ACSM6: variants seen among roughly 807,000 people sequenced by gnomAD.
ACSM6 encodes the protein acyl-CoA synthetase medium chain family member 6.
ACSM6 carries 35 observed loss-of-function variants against 51.1 expected under a neutral mutation model. The ratio of observed to expected loss-of-function variants is 0.69; its 90% confidence interval spans 0.52 to 0.91. The LOEUF (loss-of-function observed/expected upper bound fraction) is 0.91. Ranked by LOEUF, ACSM6 falls within the 40% of genes least tolerant of loss-of-function variation. ACSM6 has a pLI of 0.00. For synonymous variants in ACSM6, 172 were observed against 207.3 expected (o/e 0.83, Z 1.46); for missense variants, 509 against 584.1 (o/e 0.87, Z 1.32).
intron 8 of ACSM6, among the ~76,000 whole-genome samples, chr10:95,215,615 A>G (rs940337985): frequency 1.3e-5 from 2 of 152,238 alleles, no homozygotes; most frequent in Non-Finnish European, 1.5e-5. Context: ...AAGGGAATTC[A>G]AGAAAAGGCA....
At chr10:95,203,762 G>A (rs1423569280) in intron 3 of ACSM6, among the ~76,000 whole-genome samples, 8 of 150,488 alleles carry the variant, frequency 5.3e-5, no homozygotes, top group African/African-American at 2.0e-4. Context: ...TGGAAGGTGC[G>A]TATGAAAAAC....
At chr10:95,228,649 C>G in exon 11 of ACSM6, 1 of 1,550,972 alleles carries the variant, frequency 6.4e-7, no homozygotes, top group East Asian at 2.4e-5. Context: ...ATCAGGTGAG[C>G]TGGGAGGAAT....
intron 2 of ACSM6, among the ~76,000 whole-genome samples, chr10:95,198,087 G>A (rs1311110578): frequency 6.6e-6 from 1 of 152,182 alleles, no homozygotes; most frequent in African/African-American, 2.4e-5. Flanking sequence ...AAAGTGGCTG[G>A]GGCAAAGCTA....
At chr10:95,210,762 G>A in exon 5 of ACSM6, 1 of 1,613,938 alleles carries the variant, frequency 6.2e-7, no homozygotes, top group Non-Finnish European at 8.5e-7. Flanking sequence ...TTCCCAGTAT[G>A]GTTTGGGAAT....
intron 8 of ACSM6, among the ~76,000 whole-genome samples, chr10:95,217,710 C>A (rs2034960765): frequency 6.6e-6 from 1 of 152,170 alleles, no homozygotes; most frequent in Admixed American, 6.5e-5. Context: ...TGGGAGAAGA[C>A]AAAACAGCCA....
chr10:95,219,159 A>T (rs2034970702), intron 8 of ACSM6, among the ~76,000 whole-genome samples: 1 of 152,172 alleles, frequency 6.6e-6, no homozygotes, highest in African/African-American at 2.4e-5. Context: ...GGTGCCCTGC[A>T]TGTATGCTGA....
At chr10:95,210,093 T>A (rs1397276614) in intron 4 of ACSM6, among the ~76,000 whole-genome samples, 1 of 152,232 alleles carries the variant, frequency 6.6e-6, no homozygotes, top group Non-Finnish European at 1.5e-5. Flanking sequence ...TATCATGGAT[T>A]TTTGCATTAG....
At chr10:95,203,330 A>G (rs1474270596) in intron 3 of ACSM6, among the ~76,000 whole-genome samples, 1 of 152,188 alleles carries the variant, frequency 6.6e-6, no homozygotes. Context: ...GAGTTGTATA[A>G]TTATTTCAAT....
intron 2 of ACSM6, among the ~76,000 whole-genome samples, chr10:95,197,531 T>G (rs1056973331): frequency 5.9e-5 from 9 of 152,018 alleles, no homozygotes; most frequent in African/African-American, 1.9e-4. Context: ...AAGCCAGATT[T>G]ATGTTTCTCT....
intron 4 of ACSM6, among the ~76,000 whole-genome samples, chr10:95,209,100 A>C (rs893654872): frequency 2.6e-5 from 4 of 152,242 alleles, no homozygotes; most frequent in Middle Eastern, 6.8e-3. Context: ...AAATTAAATA[A>C]ATTGGTCTGA....
intron 4 of ACSM6, among the ~76,000 whole-genome samples, chr10:95,207,623 C>T (rs1018845703): frequency 6.6e-5 from 10 of 152,086 alleles, no homozygotes; most frequent in Non-Finnish European, 1.2e-4. Context: ...AGCAGAGTAA[C>T]CCCCAACACA....
chr10:95,223,997 C>G (rs1466435031), intron 9 of ACSM6, among the ~76,000 whole-genome samples: 1 of 152,086 alleles, frequency 6.6e-6, no homozygotes, highest in Non-Finnish European at 1.5e-5. Flanking sequence ...AGTATTTCTA[C>G]ATAGTATCAA....
At chr10:95,194,512 C>T in exon 2 of ACSM6, 1 of 1,551,710 alleles carries the variant, frequency 6.4e-7, no homozygotes, top group East Asian at 2.4e-5. Flanking sequence ...AACCCTTCTC[C>T]TTGGTCCGGA....
intron 9 of ACSM6, among the ~76,000 whole-genome samples, chr10:95,220,509 A>G (rs1341581911): frequency 6.6e-6 from 1 of 152,212 alleles, no homozygotes; most frequent in Admixed American, 6.5e-5. Context: ...GCAGACTCAA[A>G]TTAGCAGCAC....
intron 3 of ACSM6, 146 bp downstream of exon 3, chr10:95,202,341 T>C (rs1333886240): frequency 2.7e-6 from 2 of 734,118 alleles, no homozygotes; most frequent in Non-Finnish European, 4.6e-6. Flanking sequence ...AGGCCTAGAT[T>C]TGAACCCAGC....
chr10:95,213,017 T>C, intron 7 of ACSM6, 77 bp downstream of exon 7: 1 of 1,254,698 alleles, frequency 8.0e-7, no homozygotes, highest in Non-Finnish European at 1.2e-6. Flanking sequence ...CTTAATTTGT[T>C]GAAGTAGATC....
At chr10:95,207,398 T>C (rs2034850621) in exon 4 of ACSM6, 1 of 1,614,140 alleles carries the variant, frequency 6.2e-7, no homozygotes, top group Non-Finnish European at 8.5e-7. Flanking sequence ...GGTGGTTGGA[T>C]TTCAAGAAGT....
chr10:95,212,793 GCCA>G, intron 6 of ACSM6, 62 bp from the exon 7 acceptor site: 2 of 1,309,376 alleles, frequency 1.5e-6, no homozygotes, highest in Non-Finnish European at 2.2e-6. Flanking sequence ...CTGGACCCCT[GCCA>G]CAGTCTCACT....
chr10:95,202,314 GT>G (rs924842273), intron 3 of ACSM6, 119 bp downstream of exon 3: 2 of 925,264 alleles, frequency 2.2e-6, no homozygotes, highest in Admixed American at 4.3e-5. Context: ...TTCCCACAGT[GT>G]GGGGGATCTT....
Sources: allele counts gnomAD v4.1 joint callset (sites outside exome capture counted in the v4.1 genomes callset), GRCh38; gene constraint gnomAD v4.1.1; transcripts MANE v1.5; gene names NCBI Gene and HGNC (gene_info 2026-07-23, HGNC 2026-07-21).